KCNAB1: variants seen among roughly 807,000 people sequenced by gnomAD.
KCNAB1 encodes the protein potassium voltage-gated channel subfamily A regulatory beta subunit 1.
KCNAB1 carries 35 observed loss-of-function variants against 64.6 expected under a neutral mutation model. The observed-to-expected ratio is 0.54, with a 90% CI of 0.41 to 0.72. The LOEUF is 0.72. KCNAB1 is among the 30% of genes least tolerant of loss of function. The pLI is 0.00. For missense variants in KCNAB1, 401 were observed against 512.9 expected (o/e 0.78, Z 2.11); for synonymous variants, 177 against 183.8 (o/e 0.96, Z 0.30).
chr3:156,339,128 T>C (rs9873029), intron 1 of KCNAB1, among the ~76,000 whole-genome samples: 3 of 152,138 alleles, frequency 2.0e-5, no homozygotes, highest in Admixed American at 6.6e-5. Context: ...CCAGTGACTC[T>C]GGTCCACACT....
intron 1 of KCNAB1, among the ~76,000 whole-genome samples, chr3:156,362,952 T>C (rs1725705201): frequency 6.6e-6 from 1 of 152,248 alleles, no homozygotes; most frequent in Admixed American, 6.5e-5. Context: ...GCATTGTCTG[T>C]GGCAGCAGGT....
Position 156,156,400 on chromosome 3 carries a change from G to A in KCNAB1, c.275+35514G>A, listed in dbSNP as rs74653450. The stretch of plus-strand genomic sequence containing the variant: ...ATTTGAATTATTTTTTAAAAGGATT[G>A]TCTGAATGCTATGTTGGAAAATAGG... On this transcript the variant is annotated intron_variant, in intron 1 of 13. Transcript: ENST00000490337. Among the ~76,000 whole-genome samples, 600 of 152,324 alleles carry A rather than the reference G, an allele frequency of 3.9e-3. 1 individual carries two copies. The highest frequency in any genetic ancestry group is 0.014 in the African/African-American group (564 of 41,568).
At chr3:156,270,655 A>G (rs1302363903) in intron 1 of KCNAB1, among the ~76,000 whole-genome samples, 1 of 152,186 alleles carries the variant, frequency 6.6e-6, no homozygotes, top group Non-Finnish European at 1.5e-5. Context: ...GCTGTCTTGA[A>G]AAGTTCTCGT....
At chr3:156,459,052 C>T (rs2108291243) in intron 4 of KCNAB1, among the ~76,000 whole-genome samples, 1 of 152,326 alleles carries the variant, frequency 6.6e-6, no homozygotes, top group South Asian at 2.1e-4. Flanking sequence ...GCCATGACTC[C>T]CATCCATAGC....
intron 1 of KCNAB1, among the ~76,000 whole-genome samples, chr3:156,200,414 C>T (rs193110841): frequency 5.2e-4 from 79 of 152,346 alleles, no homozygotes; most frequent in Admixed American, 7.2e-4. Context: ...GCTGAAGCTG[C>T]GCCCATAGGC....
chr3:156,330,320 A>G (rs1723246642), intron 1 of KCNAB1, among the ~76,000 whole-genome samples: 2 of 152,190 alleles, frequency 1.3e-5, no homozygotes, highest in South Asian at 4.2e-4. Flanking sequence ...TCTTCCCATT[A>G]AAAAAGAAAA....
intron 1 of KCNAB1, among the ~76,000 whole-genome samples, chr3:156,140,504 T>A (rs1714645878): frequency 6.6e-6 from 1 of 152,114 alleles, no homozygotes; most frequent in Admixed American, 6.5e-5. Context: ...CTTTGGCCTC[T>A]TCTTATAAGG....
intron 2 of KCNAB1, among the ~76,000 whole-genome samples, chr3:156,432,294 A>G (rs1039837989): frequency 1.3e-5 from 2 of 152,182 alleles, no homozygotes; most frequent in African/African-American, 4.8e-5. Flanking sequence ...CTAATTGACG[A>G]AATTTTCCAT....
intron 1 of KCNAB1, among the ~76,000 whole-genome samples, chr3:156,368,199 T>C (rs1326327285): frequency 6.6e-6 from 1 of 152,202 alleles, no homozygotes; most frequent in African/African-American, 2.4e-5. Flanking sequence ...TTAAAAAATG[T>C]ATCCGTGATT....
chr3:156,289,228 C>T (rs1720256920), intron 1 of KCNAB1, among the ~76,000 whole-genome samples: 2 of 152,246 alleles, frequency 1.3e-5, no homozygotes. Flanking sequence ...GAACTGACAG[C>T]ACTCCACCTC....
intron 1 of KCNAB1, among the ~76,000 whole-genome samples, chr3:156,366,179 G>A (rs1348837745): frequency 6.6e-6 from 1 of 152,168 alleles, no homozygotes. Context: ...GCAAACTGAT[G>A]GTTTGCAGTT....
intron 8 of KCNAB1, among the ~76,000 whole-genome samples, chr3:156,495,472 A>G (rs1308456430): frequency 6.6e-6 from 1 of 152,192 alleles, no homozygotes; most frequent in Admixed American, 6.6e-5. Flanking sequence ...AAGATGTTGA[A>G]TCAACCTAAA....
At chr3:156,234,578 TG>T (rs34232970) in intron 1 of KCNAB1, among the ~76,000 whole-genome samples, 1 of 151,486 alleles carries the variant, frequency 6.6e-6, no homozygotes, top group Non-Finnish European at 1.5e-5. Flanking sequence ...GGGGATGGGT[TG>T]GGGGGGTGTC....
intron 1 of KCNAB1, among the ~76,000 whole-genome samples, chr3:156,255,513 C>T (rs534161504): frequency 2.0e-5 from 3 of 152,094 alleles, no homozygotes; most frequent in South Asian, 2.1e-4. Flanking sequence ...TGCTTTGACC[C>T]GAGCCTCTCT....
At chr3:156,241,362 T>C (rs888785709) in intron 1 of KCNAB1, among the ~76,000 whole-genome samples, 14 of 152,352 alleles carry the variant, frequency 9.2e-5, no homozygotes, top group African/African-American at 3.1e-4. Flanking sequence ...TTGCCAGCTC[T>C]AATTTCTTTT....
intron 4 of KCNAB1, among the ~76,000 whole-genome samples, chr3:156,459,314 T>C (rs1447382297): frequency 6.6e-6 from 1 of 152,168 alleles, no homozygotes; most frequent in African/African-American, 2.4e-5. Flanking sequence ...TGACAAAGTT[T>C]GTCACTGGAA....
In KCNAB1 at chr3:156,176,734, T is replaced by G. The variant is rs575971212; in HGVS notation, c.275+55848T>G. The G allele has an allele frequency of 4.9e-4, 461 of 939,604 alleles. 1 individual carries two copies. In the African/African-American group the frequency reaches 6.7e-3, roughly 14 times the overall value. The allele number at this position is 939,604 out of a possible 1,614,324, so 58.2% of individuals were successfully genotyped here. On this transcript the variant is annotated intron_variant, in intron 1 of 13. Transcript: ENST00000490337. ...CCTTCATGTCCAGAGAGCAGCATGA[T>G]TGGGGCTTGAAGGGAGGAACACCTC...
chr3:156,193,115 A>T (rs1400388579), intron 1 of KCNAB1, among the ~76,000 whole-genome samples: 1 of 151,900 alleles, frequency 6.6e-6, no homozygotes, highest in East Asian at 1.9e-4. Flanking sequence ...TTATGGATTA[A>T]TTATATTTTA....
chr3:156,526,881 A>G (rs1226831898), intron 12 of KCNAB1, among the ~76,000 whole-genome samples: 1 of 152,102 alleles, frequency 6.6e-6, no homozygotes, highest in Non-Finnish European at 1.5e-5. Flanking sequence ...AAAATCCTAA[A>G]GATTAAGAAA....
Sources: allele counts gnomAD v4.1 joint callset (sites outside exome capture counted in the v4.1 genomes callset), GRCh38; gene constraint gnomAD v4.1.1; transcripts MANE v1.5; gene names NCBI Gene and HGNC (gene_info 2026-07-23, HGNC 2026-07-21).